AGBL4: variants seen among roughly 807,000 people sequenced by gnomAD.
AGBL4 encodes the protein cytosolic carboxypeptidase 6.
AGBL4 carries 58 observed loss-of-function variants against 66.4 expected under a neutral mutation model. The ratio of observed to expected loss-of-function variants is 0.87; its 90% confidence interval spans 0.71 to 1.09. The LOEUF (loss-of-function observed/expected upper bound fraction) is 1.09. Among genes scored for constraint, AGBL4 ranks in the 50% least tolerant of loss-of-function variants. AGBL4 has a pLI of 0.00. For synonymous variants in AGBL4, 234 were observed against 222.9 expected (o/e 1.05, Z -0.44); for missense variants, 579 against 631.0 (o/e 0.92, Z 0.88).
At chr1:48,619,063 T>A (rs1645366606) in intron 9 of AGBL4, among the ~76,000 whole-genome samples, 1 of 152,184 alleles carries the variant, frequency 6.6e-6, no homozygotes, top group Non-Finnish European at 1.5e-5. Flanking sequence ...GCTGGGCCCC[T>A]GGTGAGCATG....
intron 9 of AGBL4, among the ~76,000 whole-genome samples, chr1:48,596,313 A>T (rs900704594): frequency 2.0e-5 from 3 of 152,148 alleles, no homozygotes; most frequent in African/African-American, 7.2e-5. Context: ...GCATTGAGGT[A>T]TGTGTGTGGG....
chr1:49,544,873 A>C (rs531031505), intron 3 of AGBL4, among the ~76,000 whole-genome samples: 21 of 152,368 alleles, frequency 1.4e-4, no homozygotes, highest in African/African-American at 3.8e-4. Flanking sequence ...TTCTCTTGAG[A>C]GAACGAGGTG....
chr1:48,553,663 T>C (rs1644281192), intron 11 of AGBL4, among the ~76,000 whole-genome samples: 1 of 152,152 alleles, frequency 6.6e-6, no homozygotes, highest in South Asian at 2.1e-4. Context: ...GTGTAAATTT[T>C]CTGGGAAGAG....
At chr1:48,548,835 T>C (rs1405624171) in intron 11 of AGBL4, among the ~76,000 whole-genome samples, 1 of 152,234 alleles carries the variant, frequency 6.6e-6, no homozygotes, top group Non-Finnish European at 1.5e-5. Flanking sequence ...AAGTCACTTG[T>C]CTGATGAGTC....
chr1:49,593,262 C>T (rs924208293), intron 3 of AGBL4, among the ~76,000 whole-genome samples: 2 of 152,082 alleles, frequency 1.3e-5, no homozygotes, highest in South Asian at 4.2e-4. Context: ...AAAAAATTAG[C>T]CGGGTGTGGT....
intron 3 of AGBL4, among the ~76,000 whole-genome samples, chr1:49,613,455 C>T (rs549994799): frequency 2.5e-4 from 38 of 152,264 alleles, no homozygotes; most frequent in African/African-American, 5.5e-4. Flanking sequence ...AGGAGGTGAG[C>T]GGCAGGCAAG....
chr1:48,618,658 G>T (rs1399194353), intron 9 of AGBL4, among the ~76,000 whole-genome samples: 1 of 152,186 alleles, frequency 6.6e-6, no homozygotes, highest in Non-Finnish European at 1.5e-5. Context: ...TACATCCTCA[G>T]GCTATGGCAA....
chr1:48,534,059 T>G lies in AGBL4; in HGVS notation c.*114A>C. On this transcript the variant is annotated 3_prime_UTR_variant, in exon 14 of 14. Transcript: ENST00000371839. ...TCTCATTGTATCCCTTCCCTTTCAC[T>G]AGCCTATGCATTAATCCACAAATCC... is the stretch of plus-strand genomic sequence containing the variant. 3 of 1,472,494 alleles carry G rather than the reference T, an allele frequency of 2.0e-6. No individual in the cohort carries two copies. Among genetic ancestry groups the G allele is most frequent in the Non-Finnish European group, 2.8e-6 (3 of 1,076,304 alleles). The allele number at this position is 1,472,494 out of a possible 1,614,324, so 91.2% of individuals were successfully genotyped here. A position where few individuals can be genotyped will look rare whatever the true frequency, so the allele number is the denominator to read the frequency against.
chr1:49,527,781 T>C (rs1650786922), intron 3 of AGBL4, among the ~76,000 whole-genome samples: 1 of 152,096 alleles, frequency 6.6e-6, no homozygotes, highest in Non-Finnish European at 1.5e-5. Flanking sequence ...CTGCTAACCA[T>C]GAAATATGCA....
chr1:48,858,847 G>A (rs1482509567), intron 6 of AGBL4, among the ~76,000 whole-genome samples: 1 of 151,964 alleles, frequency 6.6e-6, no homozygotes, highest in Admixed American at 6.6e-5. Flanking sequence ...TCTCAATAAA[G>A]CTGTTATTAA....
intron 5 of AGBL4, among the ~76,000 whole-genome samples, chr1:48,942,672 T>C (rs1485601810): frequency 6.6e-6 from 1 of 152,138 alleles, no homozygotes; most frequent in African/African-American, 2.4e-5. Flanking sequence ...AAACATTCAA[T>C]AAGTGAAAGT....
chr1:48,898,502 G>T (rs1301884911), intron 5 of AGBL4, among the ~76,000 whole-genome samples: 2 of 152,086 alleles, frequency 1.3e-5, no homozygotes, highest in Admixed American at 1.3e-4. Context: ...GAGGAATCTT[G>T]TTTCATTCTT....
intron 3 of AGBL4, among the ~76,000 whole-genome samples, chr1:49,590,308 C>T (rs1271441878): frequency 6.6e-6 from 1 of 151,104 alleles, no homozygotes; most frequent in Non-Finnish European, 1.5e-5. Context: ...ATCAATAAAA[C>T]CGAGAATATA....
intron 3 of AGBL4, among the ~76,000 whole-genome samples, chr1:49,490,796 T>A (rs774633911): frequency 7.2e-5 from 11 of 151,774 alleles, no homozygotes; most frequent in Non-Finnish European, 1.3e-4. Context: ...CATTACATAC[T>A]TCTTGCAAGT....
In AGBL4 at chr1:48,964,443, G is replaced by T. The variant is rs541146107; in HGVS notation, c.594+81141C>A. On this transcript the variant is annotated intron_variant, in intron 5 of 13. Transcript: ENST00000371839. Reference sequence around the variant, plus strand: ...ATTTACTACTCTTTGAATCCCACAGGATTACTATGAGCATTACATGAGATC... The same window carrying T: ...ATTTACTACTCTTTGAATCCCACAGTATTACTATGAGCATTACATGAGATC... 9.9e-5 allele frequency among the ~76,000 whole-genome samples: 15 copies of T among 152,242 alleles called. No individual in the cohort carries two copies. The South Asian group carries it at 2.9e-3, about 30-fold the overall frequency.
intron 4 of AGBL4, among the ~76,000 whole-genome samples, chr1:49,150,116 T>C (rs999712386): frequency 6.6e-6 from 1 of 152,124 alleles, no homozygotes; most frequent in African/African-American, 2.4e-5. Context: ...AATCTTTGCC[T>C]GGAGCCCTGC....
At chr1:48,696,898 T>C (rs1021583751) in intron 6 of AGBL4, among the ~76,000 whole-genome samples, 2 of 152,162 alleles carry the variant, frequency 1.3e-5, no homozygotes, top group Admixed American at 6.5e-5. Context: ...TCCTTCTCCG[T>C]GGCCCCTCCT....
intron 3 of AGBL4, among the ~76,000 whole-genome samples, chr1:49,525,923 T>TA (rs921052394): frequency 2.1e-4 from 31 of 147,408 alleles, no homozygotes; most frequent in South Asian, 6.5e-4. Context: ...CCGTCTCTAC[T>TA]AAAAAAAAAA....
At chr1:48,647,363 A>G (rs556484786) in intron 8 of AGBL4, among the ~76,000 whole-genome samples, 76 of 152,348 alleles carry the variant, frequency 5.0e-4, no homozygotes, top group African/African-American at 1.8e-3. Context: ...ATAGGCAATT[A>G]CTATGGTAAT....
Sources: gnomAD v4.1 joint callset for allele counts (sites outside exome capture counted in the v4.1 genomes callset) on GRCh38, gnomAD v4.1.1 for gene constraint, MANE v1.5 for transcripts, NCBI Gene and HGNC (gene_info 2026-07-23, HGNC 2026-07-21) for gene names.